The following FOXN3 variants were observed in gnomAD, a reference collection of about 807,000 sequenced individuals.
FOXN3 encodes the protein forkhead box protein N3.
FOXN3 carries 7 observed loss-of-function variants against 38.4 expected under a neutral mutation model. The ratio of observed to expected loss-of-function variants is 0.18; its 90% CI spans 0.10 to 0.34. FOXN3 has a LOEUF of 0.34. Ranked by LOEUF, FOXN3 falls within the 10% of genes least tolerant of loss-of-function variation. The pLI is 1.00. For missense variants in FOXN3, 456 were observed against 613.4 expected, an observed-to-expected ratio of 0.74 and a Z score of 2.71; for synonymous variants, 230 against 242.2, an observed-to-expected ratio of 0.95 and a Z score of 0.47.
At chr14:89,239,541 A>T (rs1885082922) in intron 4 of FOXN3, among the ~76,000 whole-genome samples, 3 of 152,244 alleles carry the variant, frequency 2.0e-5, no homozygotes, top group Non-Finnish European at 4.4e-5. Flanking sequence ...GGCAAATGAA[A>T]TAGACATAGG....
At chr14:89,455,094 G>A (rs1166761171) in intron 1 of FOXN3, among the ~76,000 whole-genome samples, 4 of 152,194 alleles carry the variant, frequency 2.6e-5, no homozygotes, top group South Asian at 4.1e-4. Flanking sequence ...AGGAATGTTC[G>A]CTCGGGCAGG....
At chr14:89,511,255 C>CCT (rs1894079803) in intron 1 of FOXN3, among the ~76,000 whole-genome samples, 5 of 26,236 alleles carry the variant, frequency 1.9e-4, no homozygotes, top group African/African-American at 6.3e-4. Flanking sequence ...TCTTTTCTTT[C>CCT]TTTCTTTCTT....
At chr14:89,531,943 C>T (rs191272827) in intron 1 of FOXN3, among the ~76,000 whole-genome samples, 1 of 152,148 alleles carries the variant, frequency 6.6e-6, no homozygotes, top group African/African-American at 2.4e-5. Flanking sequence ...TGAGTAGCTA[C>T]GACTACAGGC....
intron 4 of FOXN3, among the ~76,000 whole-genome samples, chr14:89,252,654 C>T (rs1325967626): frequency 6.4e-5 from 6 of 93,954 alleles, no homozygotes. Context: ...AACTCTATCT[C>T]AAAAAAAAAA....
intron 3 of FOXN3, among the ~76,000 whole-genome samples, chr14:89,304,181 C>G (rs1485645200): frequency 6.6e-6 from 1 of 152,208 alleles, no homozygotes; most frequent in Non-Finnish European, 1.5e-5. Flanking sequence ...TGTGAACACA[C>G]TCCAGCGTGT....
In FOXN3 at chr14:89,454,135, C is replaced by G. The variant is rs142162075; in HGVS notation, c.-14-41645G>C. 9.7e-3 allele frequency among the ~76,000 whole-genome samples: 1,484 copies of G among 152,298 alleles called. 24 individuals are homozygous for G. The highest frequency in any genetic ancestry group is 0.033 in the African/African-American group (1,381 of 41,566). ...CCTGGCCAACATGGCGAAACCCTGTCTCTTCTAAAAATACAAAAATTAGCC... is the reference window on the plus strand; with the variant it reads ...CCTGGCCAACATGGCGAAACCCTGTGTCTTCTAAAAATACAAAAATTAGCC... On this transcript the variant is annotated intron_variant, in intron 1 of 6. Coordinates refer to the FOXN3 transcript ENST00000345097.
chr14:89,562,771 C>T (rs1475193343), intron 1 of FOXN3, among the ~76,000 whole-genome samples: 1 of 152,180 alleles, frequency 6.6e-6, no homozygotes, highest in African/African-American at 2.4e-5. Flanking sequence ...CAGGTTACAT[C>T]CTCATGAGGA....
At chr14:89,615,116 A>AT (rs374606775) in intron 1 of FOXN3, among the ~76,000 whole-genome samples, 2,374 of 106,708 alleles carry the variant, frequency 0.022, 154 homozygotes, top group African/African-American at 0.073. Flanking sequence ...CCCAATTTCG[A>AT]TTTTTTTTTT....
At chr14:89,560,796 T>C (rs1308515502) in intron 1 of FOXN3, among the ~76,000 whole-genome samples, 1 of 151,960 alleles carries the variant, frequency 6.6e-6, no homozygotes, top group African/African-American at 2.4e-5. Context: ...GCAGAGGAGG[T>C]CACTAACATC....
intron 1 of FOXN3, among the ~76,000 whole-genome samples, chr14:89,611,322 C>T (rs764887035): frequency 2.0e-5 from 3 of 152,166 alleles, no homozygotes; most frequent in South Asian, 2.1e-4. Context: ...TTTGTTGAGC[C>T]GTTCAGACCA....
intron 4 of FOXN3, among the ~76,000 whole-genome samples, chr14:89,255,734 A>G (rs1885597399): frequency 6.6e-6 from 1 of 152,136 alleles, no homozygotes; most frequent in Admixed American, 6.5e-5. Flanking sequence ...GGACATTCTA[A>G]GCGGACTCCA....
At chr14:89,234,472 T>C (rs1884918579) in intron 4 of FOXN3, among the ~76,000 whole-genome samples, 1 of 152,106 alleles carries the variant, frequency 6.6e-6, no homozygotes, top group Admixed American at 6.5e-5. Flanking sequence ...AACCCCAGTG[T>C]TGGAGGCGGG....
chr14:89,334,956 G>A (rs1454771537), intron 3 of FOXN3, among the ~76,000 whole-genome samples: 2 of 151,806 alleles, frequency 1.3e-5, no homozygotes, highest in African/African-American at 4.8e-5. Context: ...TAGTAGAGAT[G>A]GGGTTTCACC....
chr14:89,306,865 A>G (rs887532448), intron 3 of FOXN3, among the ~76,000 whole-genome samples: 2 of 152,216 alleles, frequency 1.3e-5, no homozygotes, highest in African/African-American at 4.8e-5. Context: ...GACAAGTGAA[A>G]ATTATATGAA....
intron 1 of FOXN3, among the ~76,000 whole-genome samples, chr14:89,428,884 G>A (rs961695086): frequency 6.6e-6 from 1 of 152,248 alleles, no homozygotes; most frequent in Non-Finnish European, 1.5e-5. Flanking sequence ...GCCAGTCCCA[G>A]GGAGTGAATG....
intron 3 of FOXN3, among the ~76,000 whole-genome samples, chr14:89,347,234 A>T (rs1179669714): frequency 1.3e-5 from 2 of 152,220 alleles, no homozygotes; most frequent in Non-Finnish European, 2.9e-5. Context: ...TACGGGAGAA[A>T]GATGGGCCTC....
chr14:89,282,841 G>A (rs553775804), intron 3 of FOXN3, among the ~76,000 whole-genome samples: 8 of 152,206 alleles, frequency 5.3e-5, no homozygotes, highest in South Asian at 4.2e-4. Flanking sequence ...AATGAAGGTC[G>A]GATAAATCCA....
In FOXN3 at chr14:89,157,593, C is replaced by G. The variant is rs1887009814; in HGVS notation, c.*4821G>C. On this transcript the variant is annotated 3_prime_UTR_variant, in exon 6 of 6. Transcript: ENST00000557258. ...CACACAATGTATATACTTTGATTTA[C>G]ACATTCCGTTACAAAGGAAAAAAAG... 1 of 152,588 alleles carries G rather than the reference C, an allele frequency of 6.6e-6. No individual in the cohort carries two copies. Among genetic ancestry groups the G allele is most frequent in the Non-Finnish European group, 1.5e-5 (1 of 68,020 alleles). 9.5% of individuals were successfully genotyped at this position (152,588 alleles called of 1,614,324 possible). A position where few individuals can be genotyped will look rare whatever the true frequency, so the allele number is the denominator to read the frequency against.
intron 4 of FOXN3, among the ~76,000 whole-genome samples, chr14:89,227,501 A>G (rs1208971854): frequency 6.6e-6 from 1 of 152,204 alleles, no homozygotes; most frequent in Non-Finnish European, 1.5e-5. Context: ...GGAATATAAT[A>G]GTCGGTGAAC....
Sources: allele counts gnomAD v4.1 joint callset (sites outside exome capture counted in the v4.1 genomes callset), GRCh38; gene constraint gnomAD v4.1.1; transcripts MANE v1.5; gene names NCBI Gene and HGNC (gene_info 2026-07-23, HGNC 2026-07-21).